The following REL variants were observed in gnomAD, a reference collection of about 807,000 sequenced individuals.
REL encodes the protein proto-oncogene c-Rel.
Under a neutral mutation model 45.9 loss-of-function variants are expected in REL, and 15 were observed. That is an observed-to-expected ratio of 0.33 (90% confidence interval 0.22 to 0.50). REL has a LOEUF of 0.50. Among genes scored for constraint, REL ranks in the 20% least tolerant of loss-of-function variants. The pLI is 0.98. For missense variants in REL, 601 were observed against 715.2 expected, an observed-to-expected ratio of 0.84 and a Z score of 1.82; for synonymous variants, 239 against 242.1, an observed-to-expected ratio of 0.99 and a Z score of 0.12.
At position 60,926,214 on chromosome 2, in the gene REL, G is replaced by A. The variant is rs1295262182; in HGVS notation, c.*3679G>A. On this transcript the variant is annotated 3_prime_UTR_variant, in exon 10 of 10. Transcript: ENST00000394479. The stretch of plus-strand genomic sequence containing the variant: ...GTGATTCCTTTCTTTGTATAAACAT[G>A]GTAAATGTCTTCATTAGCCTAAAAG... 8.7e-6 allele frequency: 2 copies of A among 230,624 alleles called. No individual in the cohort carries two copies. Among genetic ancestry groups the A allele is most frequent in the Non-Finnish European group, 1.7e-5 (2 of 116,254 alleles). The allele number at this position is 230,624 out of a possible 1,614,324, so 14.3% of individuals were successfully genotyped here.
At chr2:60,920,780 G>A in intron 9 of REL, 138 bp downstream of exon 9, 1 of 566,526 alleles carries the variant, frequency 1.8e-6, no homozygotes, top group Non-Finnish European at 3.1e-6. Context: ...TTTCAGTATA[G>A]AATGAATTAA....
Position 60,922,508 on chromosome 2 carries a change from C to T in REL, c.1737C>T (p.Ser579=), listed in dbSNP as rs548696092. ...GSMQNEQLSD[S]FPYEFFQV is the part of the protein sequence containing the mutation. ...TGCAAAATGAGCAATTGAGTGACTC[C>T]TTTCCATATGAATTTTTTCAAGTAT... Residue 579 remains serine (S), a synonymous_variant, in exon 10 of 10, where the codon TCC becomes TCT. Coordinates refer to ENST00000394479, the MANE Select transcript of REL (RefSeq NM_001291746.2). The T allele has an allele frequency of 3.1e-6, 5 of 1,603,262 alleles. No individual in the cohort carries two copies. Among genetic ancestry groups the T allele is most frequent in the South Asian group, 1.1e-5 (1 of 89,520 alleles).
intron 4 of REL, among the ~76,000 whole-genome samples, chr2:60,906,913 A>ATATATATATAT (rs1311506982): frequency 6.7e-5 from 7 of 104,320 alleles, no homozygotes; most frequent in East Asian, 4.7e-4. Flanking sequence ...ATATATATAT[A>ATATATATATAT]TTTTTTTTTT....
intron 9 of REL, among the ~76,000 whole-genome samples, 164 bp downstream of exon 9, chr2:60,920,806 G>A (rs1034115511): frequency 6.6e-6 from 1 of 152,102 alleles, no homozygotes; most frequent in Non-Finnish European, 1.5e-5. Context: ...GCTTCTGAAG[G>A]TTGTGTTAGA....
At chr2:60,884,730 C>T (rs923004992) in intron 1 of REL, among the ~76,000 whole-genome samples, 1 of 152,036 alleles carries the variant, frequency 6.6e-6, no homozygotes, top group African/African-American at 2.4e-5. Context: ...ATTTATTTTT[C>T]TTCACATTTT....
rs552614812 is a variant in REL, at chr2:60,927,186, G to A, written c.*4651G>A. ...AGCATAGTCCCTAGTATACTAGTTG[G>A]TGCTGAATAAATAGTAGCTATTATT... On this transcript the variant is annotated 3_prime_UTR_variant, in exon 10 of 10. Transcript: ENST00000394479. 2 of 226,732 alleles carry A rather than the reference G, an allele frequency of 8.8e-6. No homozygotes were observed. The highest frequency in any genetic ancestry group is 6.3e-5 in the East Asian group (1 of 15,790). The allele number at this position is 226,732 out of a possible 1,614,324, so 14.0% of individuals were successfully genotyped here.
intron 8 of REL, chr2:60,920,361 C>T (rs1177072240): frequency 5.3e-5 from 33 of 617,760 alleles, no homozygotes; most frequent in East Asian, 2.8e-5. Context: ...CCACCACACC[C>T]GGCTAATTTT....
rs1375749409 is a variant in REL at position 60,924,373 on chromosome 2, G to A, written c.*1838G>A. On this transcript the variant is annotated 3_prime_UTR_variant, in exon 10 of 10. Transcript: ENST00000394479. Reference sequence around the variant, plus strand: ...ATGCCTACCTTATATTAAACACTCAGTAAATGTTTATTGAACATTAAAAGT... The same window carrying A: ...ATGCCTACCTTATATTAAACACTCAATAAATGTTTATTGAACATTAAAAGT... The A allele has an allele frequency of 4.6e-6, 1 of 216,140 alleles. No individual in the cohort carries two copies. Among genetic ancestry groups the A allele is most frequent in the Non-Finnish European group, 9.3e-6 (1 of 107,422 alleles). 13.4% of individuals were successfully genotyped at this position (216,140 alleles called of 1,614,324 possible). A position where few individuals can be genotyped will look rare whatever the true frequency, so the allele number is the denominator to read the frequency against.
chr2:60,893,665 A>G (rs191801318), intron 2 of REL, among the ~76,000 whole-genome samples: 4 of 152,160 alleles, frequency 2.6e-5, no homozygotes, highest in African/African-American at 7.2e-5. Context: ...TTTAAATTCA[A>G]AATTATGGAT....
chr2:60,898,355 G>T (rs1250830981), intron 3 of REL, among the ~76,000 whole-genome samples: 1 of 152,044 alleles, frequency 6.6e-6, no homozygotes, highest in African/African-American at 2.4e-5. Context: ...TTTATTTCTA[G>T]CCTTCTATTA....
chr2:60,884,149 A>G (rs1207364195), intron 1 of REL, among the ~76,000 whole-genome samples: 1 of 151,456 alleles, frequency 6.6e-6, no homozygotes, highest in Non-Finnish European at 1.5e-5. Flanking sequence ...TCTAGTTTAG[A>G]TTCTGTTTGT....
At chr2:60,894,230 C>T (rs1247942906) in intron 2 of REL, among the ~76,000 whole-genome samples, 167 bp from the exon 3 acceptor site, 1 of 152,000 alleles carries the variant, frequency 6.6e-6, no homozygotes, top group African/African-American at 2.4e-5. Context: ...TTTTTCTGTA[C>T]TGGTATTCTC....
Position 60,922,156 on chromosome 2 carries a change from G to A in REL, c.1385G>A (p.Cys462Tyr). The part of the protein sequence containing the change: ...GISDPNMLSN[C>Y]SVNMMTTSSD... ...TCTGATCCCAACATGCTGTCTAATT[G>A]TTCTGTGAATATGATGACAACCAGC... The change falls in exon 10 of 10, where the codon TGT (cysteine) becomes TAT (tyrosine). Residue 462 changes from cysteine (C) to tyrosine (Y), a missense_variant. Transcript: ENST00000394479. 6.2e-7 allele frequency: 1 copy of A among 1,614,126 alleles called. No individual in the cohort carries two copies. The highest frequency in any genetic ancestry group is 8.5e-7 in the Non-Finnish European group (1 of 1,180,028).
At position 60,925,834 on chromosome 2, in the gene REL, A is replaced by G. The variant is rs1674254546; in HGVS notation, c.*3299A>G. On this transcript the variant is annotated 3_prime_UTR_variant, in exon 10 of 10. Transcript: ENST00000394479. ...CGTTGGCTACTTAGTATAAGTAAGT[A>G]TAAGCCGAATTAAGGTTCTGCTACA... The G allele has an allele frequency of 4.6e-6, 1 of 218,132 alleles. No individual in the cohort carries two copies. 13.5% of individuals were successfully genotyped at this position (218,132 alleles called of 1,614,324 possible).
At chr2:60,916,599 G>C (rs949094097) in intron 4 of REL, among the ~76,000 whole-genome samples, 2 of 152,102 alleles carry the variant, frequency 1.3e-5, no homozygotes, top group Non-Finnish European at 2.9e-5. Flanking sequence ...TTAAAACTTT[G>C]ATTTGTTATT....
intron 2 of REL, among the ~76,000 whole-genome samples, chr2:60,892,994 C>G (rs1673258663): frequency 6.6e-6 from 1 of 152,178 alleles, no homozygotes; most frequent in African/African-American, 2.4e-5. Context: ...ACCTCGTGAT[C>G]CGACTGCCTT....
rs1424210259 is a variant in REL, at chr2:60,922,378, G to A, written c.1607G>A (p.Ser536Asn). ...GATGCATTTGAGGGATCTGACTTCA[G>A]TTGTGCAGATAACAGCATGATAAAT... ...QSDAFEGSDF[S>N]CADNSMINES... The change falls in exon 10 of 10, where the codon AGT (serine) becomes AAT (asparagine). Residue 536 changes from serine to asparagine, a missense_variant. Ser to Asn is a conservative substitution (Grantham distance 46). Around this residue, in one of 4 missense-constraint regions of REL, gnomAD observed 334 missense variants for 333.1 expected, o/e 1.00. Coordinates refer to ENST00000394479, the MANE Select transcript of REL (RefSeq NM_001291746.2). 2 of 1,614,004 alleles carry A rather than the reference G, an allele frequency of 1.2e-6. No homozygotes were observed. The highest frequency in any genetic ancestry group is 2.2e-5 in the East Asian group (1 of 44,884).
At chr2:60,921,697 A>G in intron 9 of REL, 66 bp from the exon 10 acceptor site, 1 of 1,393,334 alleles carries the variant, frequency 7.2e-7, no homozygotes, top group Non-Finnish European at 9.8e-7. Context: ...ATGCAATTTT[A>G]ATTTAGAAAT....
chr2:60,897,556 C>T (rs925015720), intron 3 of REL, among the ~76,000 whole-genome samples: 1 of 152,040 alleles, frequency 6.6e-6, no homozygotes, highest in Non-Finnish European at 1.5e-5. Context: ...GATCCTCCTG[C>T]CTCAGCCTCC....
Sources: allele counts gnomAD v4.1 joint callset (sites outside exome capture counted in the v4.1 genomes callset), GRCh38; gene constraint gnomAD v4.1.1; regional missense constraint gnomAD v4.1.1; transcripts MANE v1.5; gene names NCBI Gene and HGNC (gene_info 2026-07-23, HGNC 2026-07-21).